Variants in KANSL1L observed in about 807,000 individuals in gnomAD.
The protein encoded by KANSL1L is KAT8 regulatory NSL complex subunit 1-like protein.
Under a neutral mutation model 108.6 loss-of-function variants are expected in KANSL1L, and 25 were observed. That is an observed-to-expected ratio of 0.23 (90% CI 0.17 to 0.32). The LOEUF (loss-of-function observed/expected upper bound fraction) is 0.32, where lower values mean the gene tolerates loss of function less well. Among genes scored for constraint, KANSL1L ranks in the 10% least tolerant of loss-of-function variants. The probability of loss-of-function intolerance (pLI) is 1.00; values close to 1 mark genes in which losing one functional copy is unlikely to be tolerated. For missense variants in KANSL1L, 1,137 were observed against 1,125.7 expected (o/e 1.01, Z -0.14); for synonymous variants, 405 against 395.1 (o/e 1.03, Z -0.30).
intron 3 of KANSL1L, among the ~76,000 whole-genome samples, chr2:210,110,087 C>T (rs1033997893): frequency 6.6e-6 from 1 of 152,140 alleles, no homozygotes; most frequent in African/African-American, 2.4e-5. Flanking sequence ...ACAATCACAC[C>T]CACAGTTCTC....
chr2:210,028,701 A>ATT, intron 11 of KANSL1L, 144 bp downstream of exon 11: 1 of 622,700 alleles, frequency 1.6e-6, no homozygotes, highest in Non-Finnish European at 2.8e-6. Context: ...GGCACGAGTA[A>ATT]TTTTTTTTTC....
At chr2:210,166,799 C>A (rs984508483) in intron 1 of KANSL1L, among the ~76,000 whole-genome samples, 3 of 151,914 alleles carry the variant, frequency 2.0e-5, no homozygotes, top group Non-Finnish European at 2.9e-5. Flanking sequence ...GAGGGGAGAA[C>A]CCTGAAGTAG....
intron 5 of KANSL1L, chr2:210,097,097 C>A (rs575440536): frequency 4.4e-6 from 1 of 227,336 alleles, no homozygotes; most frequent in South Asian, 1.6e-4. Context: ...GAGCACACCA[C>A]CACGCCCGGC....
intron 3 of KANSL1L, 104 bp downstream of exon 3, chr2:210,128,927 A>G (rs900333444): frequency 2.2e-5 from 21 of 935,938 alleles, no homozygotes; most frequent in Middle Eastern, 2.6e-4. Context: ...TAAACTGGCT[A>G]CATTTTTATA....
chr2:210,160,873 T>C (rs2095357582), intron 1 of KANSL1L, among the ~76,000 whole-genome samples: 1 of 152,056 alleles, frequency 6.6e-6, no homozygotes, highest in Admixed American at 6.6e-5. Flanking sequence ...AGTTGAAGGA[T>C]TCACACAACT....
intron 3 of KANSL1L, among the ~76,000 whole-genome samples, chr2:210,106,623 G>A (rs2094849348): frequency 6.6e-6 from 1 of 152,020 alleles, no homozygotes; most frequent in Non-Finnish European, 1.5e-5. Context: ...ACAAAAATTG[G>A]CTGGGCATCA....
rs1330609244 is a variant in KANSL1L, at chr2:210,022,484, T to A, written c.*465A>T. On this transcript the variant is annotated 3_prime_UTR_variant, in exon 15 of 15. Coordinates refer to ENST00000281772, the MANE Select transcript of KANSL1L (RefSeq NM_152519.4). ...GTTTTAAAAACTACATAGGGGTGTG[T>A]GTGTGTGTGTATGTTTATTTTATAC... 1.2e-5 allele frequency: 2 copies of A among 161,410 alleles called. No homozygotes were observed. The highest frequency in any genetic ancestry group is 3.6e-4 in the East Asian group (2 of 5,550). 10.0% of individuals were successfully genotyped at this position (161,410 alleles called of 1,614,324 possible). A position where few individuals can be genotyped will look rare whatever the true frequency, so the allele number is the denominator to read the frequency against.
intron 5 of KANSL1L, chr2:210,097,302 T>C: frequency 1.3e-6 from 1 of 781,892 alleles, no homozygotes; most frequent in Non-Finnish European, 1.6e-6. Context: ...TTATGCTATA[T>C]TAGAAAGTTA....
chr2:210,094,455 G>A (rs559583478), intron 5 of KANSL1L, among the ~76,000 whole-genome samples: 4 of 151,992 alleles, frequency 2.6e-5, no homozygotes, highest in South Asian at 2.1e-4. Flanking sequence ...CTATGTGAAG[G>A]AAAAATAACA....
chr2:210,115,557 T>A (rs531670173), intron 3 of KANSL1L, among the ~76,000 whole-genome samples: 2 of 152,180 alleles, frequency 1.3e-5, no homozygotes, highest in South Asian at 2.1e-4. Flanking sequence ...ACGCCAAAAC[T>A]CTCTAACCTT....
At chr2:210,128,925 C>T (rs2095093801) in intron 3 of KANSL1L, 106 bp downstream of exon 3, 5 of 908,782 alleles carry the variant, frequency 5.5e-6, no homozygotes, top group African/African-American at 3.4e-5. Flanking sequence ...CATAAACTGG[C>T]TACATTTTTA....
At chr2:210,123,885 C>G (rs2095043295) in intron 3 of KANSL1L, among the ~76,000 whole-genome samples, 1 of 151,634 alleles carries the variant, frequency 6.6e-6, no homozygotes, top group Admixed American at 6.6e-5. Context: ...CTCCAGTCTC[C>G]TTGTCAGTCA....
intron 1 of KANSL1L, among the ~76,000 whole-genome samples, chr2:210,168,766 A>G (rs1688143014): frequency 6.6e-6 from 1 of 152,148 alleles, no homozygotes; most frequent in South Asian, 2.1e-4. Flanking sequence ...TATGAATCCA[A>G]CAATAATAGT....
intron 6 of KANSL1L, among the ~76,000 whole-genome samples, chr2:210,061,582 G>C (rs957595735): frequency 1.3e-5 from 2 of 152,126 alleles, no homozygotes; most frequent in African/African-American, 4.8e-5. Context: ...TTCACATCTA[G>C]CTATGCCTAC....
intron 3 of KANSL1L, 114 bp downstream of exon 3, chr2:210,128,917 T>A: frequency 1.2e-6 from 1 of 822,064 alleles, no homozygotes; most frequent in Non-Finnish European, 1.8e-6. Flanking sequence ...AATTTTAACA[T>A]AAACTGGCTA....
chr2:210,080,128 AACACACACACACGCGTGCACACAC>A (rs1475992795), intron 5 of KANSL1L: 4 of 135,446 alleles, frequency 3.0e-5, no homozygotes, highest in African/African-American at 1.0e-4. Flanking sequence ...GCCACCCTAC[AACACACACACACGCGTGCACACAC>A]ACACACACAC....
chr2:210,117,981 T>C (rs953792674), intron 3 of KANSL1L, among the ~76,000 whole-genome samples: 2 of 151,406 alleles, frequency 1.3e-5, no homozygotes, highest in Non-Finnish European at 2.9e-5. Flanking sequence ...CTGACCAACA[T>C]GGAGAAACCC....
At position 210,104,287 on chromosome 2, in the gene KANSL1L, T is replaced by C. The variant is rs1457067966; in HGVS notation, c.1245A>G (p.Leu415=). The change falls in exon 4 of 15, where the codon CTA becomes CTG. Residue 415 remains leucine, a synonymous_variant. Coordinates refer to ENST00000281772, the MANE Select transcript of KANSL1L (RefSeq NM_152519.4). ...TATCTTTTGGAAGCTGACATTCTTCTAGGACCACTATCCCCTAGACAAAAA... is the reference window on the plus strand; with the variant it reads ...TATCTTTTGGAAGCTGACATTCTTCCAGGACCACTATCCCCTAGACAAAAA... The part of the protein sequence containing the change: ...QIRASKGIVV[L]EECQLPKDIL... The C allele has an allele frequency of 1.2e-6, 2 of 1,613,192 alleles. No homozygotes were observed. Among genetic ancestry groups the C allele is most frequent in the East Asian group, 4.5e-5 (2 of 44,808 alleles).
intron 3 of KANSL1L, among the ~76,000 whole-genome samples, chr2:210,107,501 T>G (rs1325990497): frequency 6.8e-6 from 1 of 147,678 alleles, no homozygotes; most frequent in Non-Finnish European, 1.5e-5. Context: ...ATAACTGCTT[T>G]CTTCTCCTCA....
Sources: gnomAD v4.1 joint callset for allele counts (sites outside exome capture counted in the v4.1 genomes callset) on GRCh38, gnomAD v4.1.1 for gene constraint, MANE v1.5 for transcripts, NCBI Gene and HGNC (gene_info 2026-07-23, HGNC 2026-07-21) for gene names.